Variants in UNC5D observed in about 807,000 individuals in gnomAD.
UNC5D encodes the protein netrin receptor UNC5D.
A neutral mutation model predicts 105.4 loss-of-function variants in UNC5D; 39 were observed. The observed-to-expected ratio is 0.37, with a 90% CI of 0.29 to 0.48. The LOEUF is 0.48. Among genes scored for constraint, UNC5D ranks in the 20% least tolerant of loss-of-function variants. The pLI is 0.98. For synonymous variants in UNC5D, 452 were observed against 450.4 expected (o/e 1.00, Z -0.04); for missense variants, 991 against 1,202.4 (o/e 0.82, Z 2.60).
chr8:35,446,026 A>C (rs2128987358), intron 1 of UNC5D, among the ~76,000 whole-genome samples: 1 of 151,908 alleles, frequency 6.6e-6, no homozygotes, highest in Admixed American at 6.6e-5. Context: ...TTATTTCTAT[A>C]GGTTTTTGGG....
chr8:35,259,379 T>C (rs1000254520), intron 1 of UNC5D, among the ~76,000 whole-genome samples: 2 of 152,142 alleles, frequency 1.3e-5, no homozygotes, highest in African/African-American at 2.4e-5. Context: ...CAGAAGTGAA[T>C]GCTGGCTGGA....
At chr8:35,272,589 G>T (rs759203093) in intron 1 of UNC5D, among the ~76,000 whole-genome samples, 5 of 152,130 alleles carry the variant, frequency 3.3e-5, no homozygotes, top group Admixed American at 6.6e-5. Context: ...CCTGCCCCTG[G>T]GGAGAGGGTG....
rs931773637 is a variant in UNC5D, at chr8:35,794,218, T to A, written c.*3655T>A. On this transcript the variant is annotated 3_prime_UTR_variant, in exon 17 of 17. Transcript: ENST00000404895. ...TCAATTTCTTAGTCCCTCTGCCCTC[T>A]GTAAATGTGTTGAGTGATATAGCTA... The A allele has an allele frequency of 1.3e-5, 2 of 152,208 alleles. No individual in the cohort carries two copies. Among genetic ancestry groups the A allele is most frequent in the African/African-American group, 2.4e-5 (1 of 41,464 alleles). The allele number at this position is 152,208 out of a possible 1,614,324, so 9.4% of individuals were successfully genotyped here.
At chr8:35,549,847 A>C (rs1339610520) in intron 2 of UNC5D, among the ~76,000 whole-genome samples, 1 of 152,162 alleles carries the variant, frequency 6.6e-6, no homozygotes, top group African/African-American at 2.4e-5. Context: ...CAAATATTAA[A>C]TCTTGCATCA....
Position 35,750,671 on chromosome 8 carries a change from C to G in UNC5D, c.2025C>G (p.Thr675=), listed in dbSNP as rs148296756. ...ATGTGCTCCTGGACAGCTTTGGGAC[C>G]TATGCGCTCACTGGAGAGCCAATCA... is the stretch of plus-strand genomic sequence containing the variant. The part of the protein sequence containing the change: ...ACHVLLDSFG[T]YALTGEPITD... Residue 675 remains threonine (T), a synonymous_variant, in exon 13 of 17, where the codon ACC becomes ACG. Transcript: ENST00000404895. The G allele has an allele frequency of 1.2e-6, 2 of 1,614,120 alleles. No individual in the cohort carries two copies. Among genetic ancestry groups the G allele is most frequent in the South Asian group, 2.2e-5 (2 of 91,082 alleles).
chr8:35,235,900 C>A lies in UNC5D; in HGVS notation c.103+13C>A, dbSNP rs1374065835. 3 of 1,209,976 alleles carry A rather than the reference C, an allele frequency of 2.5e-6. No homozygotes were observed. The highest frequency in any genetic ancestry group is 3.5e-5 in the African/African-American group (2 of 57,662). 75.0% of individuals were successfully genotyped at this position (1,209,976 alleles called of 1,614,324 possible). ...GCGGCTGCCCGAGGTAAGCGCTGGG[C>A]GGAGCGGGCAGCTGGGGGCGAGGGC... On this transcript the variant is annotated intron_variant, in intron 1 of 16. Coordinates refer to ENST00000404895, the MANE Select transcript of UNC5D (RefSeq NM_080872.4).
intron 1 of UNC5D, among the ~76,000 whole-genome samples, chr8:35,280,547 T>C (rs993644122): frequency 1.3e-5 from 2 of 152,192 alleles, no homozygotes; most frequent in South Asian, 2.1e-4. Context: ...GTTGTTATTG[T>C]TGGTGGGGTC....
chr8:35,334,974 C>A (rs1382020172), intron 1 of UNC5D, among the ~76,000 whole-genome samples: 1 of 152,130 alleles, frequency 6.6e-6, no homozygotes, highest in South Asian at 2.1e-4. Context: ...TCCTGACAAT[C>A]GTTGATCTGC....
chr8:35,767,918 G>T (rs1801844122), intron 15 of UNC5D, among the ~76,000 whole-genome samples: 1 of 152,014 alleles, frequency 6.6e-6, no homozygotes, highest in South Asian at 2.1e-4. Flanking sequence ...AAGAGGGATT[G>T]TGATGCTTTT....
chr8:35,792,852 A>C lies in UNC5D; in HGVS notation c.*2289A>C, dbSNP rs1483937091. ...TTTTTTTAGATGTTTGATACATTTTAAGTATTTTTAAATAGATGAAAATTC... is the reference window on the plus strand; with the variant it reads ...TTTTTTTAGATGTTTGATACATTTTCAGTATTTTTAAATAGATGAAAATTC... On this transcript the variant is annotated 3_prime_UTR_variant, in exon 17 of 17. Coordinates refer to ENST00000404895, the MANE Select transcript of UNC5D (RefSeq NM_080872.4). 2.9e-6 allele frequency: 1 copy of C among 346,718 alleles called. No homozygotes were observed. The highest frequency in any genetic ancestry group is 2.4e-5 in the South Asian group (1 of 42,394). 21.5% of individuals were successfully genotyped at this position (346,718 alleles called of 1,614,324 possible).
rs896046047 is a variant in UNC5D, at chr8:35,792,791, A to C, written c.*2228A>C. 6.5e-6 allele frequency: 2 copies of C among 308,122 alleles called. No individual in the cohort carries two copies. The highest frequency in any genetic ancestry group is 1.2e-5 in the Non-Finnish European group (2 of 160,848). 19.1% of individuals were successfully genotyped at this position (308,122 alleles called of 1,614,324 possible). ...CTCTTCCCTTCTAATGGGCATTATA[A>C]TTGTTTCATCTACTCTGTGAATCTA... On this transcript the variant is annotated 3_prime_UTR_variant, in exon 17 of 17. Coordinates refer to ENST00000404895, the MANE Select transcript of UNC5D (RefSeq NM_080872.4).
chr8:35,334,252 T>C (rs1810849965), intron 1 of UNC5D, among the ~76,000 whole-genome samples: 1 of 151,932 alleles, frequency 6.6e-6, no homozygotes, highest in African/African-American at 2.4e-5. Context: ...AAACATTGAG[T>C]AGGGACAAAA....
intron 1 of UNC5D, among the ~76,000 whole-genome samples, chr8:35,359,293 T>C (rs1801731720): frequency 1.3e-5 from 2 of 152,262 alleles, no homozygotes; most frequent in Admixed American, 1.3e-4. Flanking sequence ...GTGGCTTCTT[T>C]TCTTCCTCAA....
intron 1 of UNC5D, among the ~76,000 whole-genome samples, chr8:35,400,577 C>T (rs1029693144): frequency 6.6e-5 from 10 of 152,164 alleles, no homozygotes; most frequent in Admixed American, 2.0e-4. Flanking sequence ...CCTGCACTCA[C>T]CTCTCCTAGC....
chr8:35,633,301 T>C (rs537199141), intron 4 of UNC5D, among the ~76,000 whole-genome samples: 351 of 152,350 alleles, frequency 2.3e-3, no homozygotes, highest in African/African-American at 8.0e-3. Flanking sequence ...AAATACTCCC[T>C]TGGAGGTGTT....
intron 1 of UNC5D, among the ~76,000 whole-genome samples, chr8:35,359,434 C>T (rs971051637): frequency 5.9e-5 from 9 of 152,126 alleles, no homozygotes; most frequent in African/African-American, 1.7e-4. Flanking sequence ...TATCTTTATT[C>T]GTGGACCATC....
At chr8:35,712,898 AT>A (rs1466230554) in intron 8 of UNC5D, among the ~76,000 whole-genome samples, 1 of 151,814 alleles carries the variant, frequency 6.6e-6, no homozygotes, top group Non-Finnish European at 1.5e-5. Context: ...TTTTTTTCCT[AT>A]TTTTTGTCCA....
intron 1 of UNC5D, among the ~76,000 whole-genome samples, chr8:35,405,722 C>T (rs1172635192): frequency 6.6e-6 from 1 of 152,010 alleles, no homozygotes; most frequent in Non-Finnish European, 1.5e-5. Flanking sequence ...ATCATATTAT[C>T]ACAGTTGTTT....
intron 1 of UNC5D, among the ~76,000 whole-genome samples, chr8:35,407,446 G>A (rs1804877514): frequency 6.6e-6 from 1 of 152,030 alleles, no homozygotes; most frequent in African/African-American, 2.4e-5. Context: ...CCACTACACT[G>A]GATCTGATCA....
Sources: allele counts gnomAD v4.1 joint callset (sites outside exome capture counted in the v4.1 genomes callset), GRCh38; gene constraint gnomAD v4.1.1; transcripts MANE v1.5; gene names NCBI Gene and HGNC (gene_info 2026-07-23, HGNC 2026-07-21).